The following GNAT3 variants were observed in gnomAD, a reference collection of about 807,000 sequenced individuals.
The protein encoded by GNAT3 is G protein subunit alpha transducin 3, also known as guanine nucleotide-binding protein G(t) subunit alpha-3.
Under a neutral mutation model 37.7 loss-of-function variants are expected in GNAT3, and 31 were observed. The ratio of observed to expected loss-of-function variants is 0.82; its 90% CI spans 0.62 to 1.11. The LOEUF is 1.11. Among genes scored for constraint, GNAT3 ranks in the 50% most tolerant of loss-of-function variants. The pLI is 0.00. For synonymous variants in GNAT3, 138 were observed against 139.8 expected (o/e 0.99, Z 0.09); for missense variants, 437 against 412.5 (o/e 1.06, Z -0.51).
chr7:80,465,832 G>A (rs1790120819), intron 5 of GNAT3, among the ~76,000 whole-genome samples: 1 of 152,104 alleles, frequency 6.6e-6, no homozygotes, highest in Non-Finnish European at 1.5e-5. Context: ...CATTTCAGAT[G>A]TAGTACATAT....
chr7:80,510,186 G>A (rs544289622), intron 1 of GNAT3, among the ~76,000 whole-genome samples: 116 of 151,820 alleles, frequency 7.6e-4, no homozygotes, highest in South Asian at 1.5e-3. Flanking sequence ...GTTCTTTTCC[G>A]TCACAACTGA....
chr7:80,509,945 T>C (rs1045622418), intron 1 of GNAT3, among the ~76,000 whole-genome samples: 1 of 152,168 alleles, frequency 6.6e-6, no homozygotes, highest in Non-Finnish European at 1.5e-5. Flanking sequence ...AATTAACAAA[T>C]GTATTACTTC....
intron 7 of GNAT3, among the ~76,000 whole-genome samples, chr7:80,461,491 G>A (rs1790049795): frequency 6.6e-6 from 1 of 152,050 alleles, no homozygotes; most frequent in Admixed American, 6.6e-5. Flanking sequence ...AAAGGCTACA[G>A]CCTGAGCGAC....
chr7:80,507,242 G>T (rs1236000780), intron 1 of GNAT3, among the ~76,000 whole-genome samples: 1 of 151,756 alleles, frequency 6.6e-6, no homozygotes, highest in Non-Finnish European at 1.5e-5. Flanking sequence ...GTGTTTCTTA[G>T]AGTTGATGAA....
intron 5 of GNAT3, among the ~76,000 whole-genome samples, chr7:80,467,099 A>T (rs1584168852): frequency 6.6e-6 from 1 of 152,276 alleles, no homozygotes; most frequent in East Asian, 1.9e-4. Flanking sequence ...CACAATTAGT[A>T]AAGGATAGAA....
chr7:80,508,771 C>G (rs554568335), intron 1 of GNAT3, among the ~76,000 whole-genome samples: 12 of 152,136 alleles, frequency 7.9e-5, no homozygotes, highest in African/African-American at 2.4e-4. Flanking sequence ...TCTTCAGATT[C>G]AGTGAAATCT....
chr7:80,511,950 GT>G lies in GNAT3; in HGVS notation c.-25del. Reference sequence around the variant, plus strand: ...ATCTTGTGGTGGTAGATACTTGTCAGTTTATATGTTCAGATTTTTCAAATGT... The same window carrying G: ...ATCTTGTGGTGGTAGATACTTGTCAGTTATATGTTCAGATTTTTCAAATGT... On this transcript the variant is annotated 5_prime_UTR_variant, in exon 1 of 8. The change abolishes the stop of an existing upstream ORF in the 5' untranslated region. Coordinates refer to ENST00000398291, the MANE Select transcript of GNAT3 (RefSeq NM_001102386.3). 6.6e-7 allele frequency: 1 copy of G among 1,513,668 alleles called. No homozygotes were observed. The highest frequency in any genetic ancestry group is 9.1e-7 in the Non-Finnish European group (1 of 1,094,504). The allele number at this position is 1,513,668 out of a possible 1,614,324, so 93.8% of individuals were successfully genotyped here.
intron 2 of GNAT3, 113 bp downstream of exon 2, chr7:80,494,492 C>A (rs1754579014): frequency 3.1e-6 from 2 of 645,584 alleles, no homozygotes; most frequent in Admixed American, 2.8e-5. Flanking sequence ...ACTCTATGAT[C>A]CATGATTTAG....
intron 1 of GNAT3, among the ~76,000 whole-genome samples, chr7:80,500,719 G>A (rs1272352970): frequency 6.6e-6 from 1 of 151,874 alleles, no homozygotes; most frequent in Non-Finnish European, 1.5e-5. Context: ...ACTTTAATTG[G>A]TGTTTTTTCA....
intron 3 of GNAT3, among the ~76,000 whole-genome samples, chr7:80,481,460 A>G (rs977875572): frequency 1.3e-5 from 2 of 152,232 alleles, no homozygotes; most frequent in African/African-American, 2.4e-5. Context: ...CAGAGATCTT[A>G]GGACTGATAA....
At chr7:80,495,666 A>C (rs1294103509) in intron 1 of GNAT3, among the ~76,000 whole-genome samples, 1 of 151,850 alleles carries the variant, frequency 6.6e-6, no homozygotes, top group South Asian at 2.1e-4. Context: ...GACGGGTTTT[A>C]CTACGTTGGC....
At chr7:80,503,494 ATAAGAT>A (rs1782840209) in intron 1 of GNAT3, among the ~76,000 whole-genome samples, 1 of 152,214 alleles carries the variant, frequency 6.6e-6, no homozygotes, top group African/African-American at 2.4e-5. Context: ...TATCTATTTC[ATAAGAT>A]TTTCTCATAG....
intron 1 of GNAT3, among the ~76,000 whole-genome samples, chr7:80,506,407 T>A (rs1790941457): frequency 6.6e-6 from 1 of 152,184 alleles, no homozygotes; most frequent in African/African-American, 2.4e-5. Flanking sequence ...TCTAAAACAA[T>A]CAGTCAAATA....
intron 5 of GNAT3, among the ~76,000 whole-genome samples, chr7:80,469,548 C>T (rs17153990): frequency 0.29 from 44,316 of 151,936 alleles, 7,359 homozygotes; most frequent in East Asian, 0.66. Context: ...GTAATTTCCA[C>T]TGAATTAGAT....
At chr7:80,480,405 G>A (rs1326033514) in intron 3 of GNAT3, among the ~76,000 whole-genome samples, 2 of 151,982 alleles carry the variant, frequency 1.3e-5, no homozygotes, top group Non-Finnish European at 2.9e-5. Context: ...AAATACAAGC[G>A]CATTTTGTGC....
chr7:80,497,594 GTA>G (rs1414326280), intron 1 of GNAT3, among the ~76,000 whole-genome samples: 3 of 130,954 alleles, frequency 2.3e-5, no homozygotes, highest in African/African-American at 6.4e-5. Flanking sequence ...ATACATATAC[GTA>G]TATACATATA....
chr7:80,473,855 CAG>C (rs1469469390), intron 5 of GNAT3, among the ~76,000 whole-genome samples: 3 of 151,946 alleles, frequency 2.0e-5, no homozygotes, highest in African/African-American at 7.3e-5. Context: ...ATTAAGGAAA[CAG>C]ATGTTATAGG....
chr7:80,463,012 T>G (rs1790076337), intron 5 of GNAT3, among the ~76,000 whole-genome samples: 1 of 152,198 alleles, frequency 6.6e-6, no homozygotes, highest in South Asian at 2.1e-4. Flanking sequence ...AGTTCTGATG[T>G]TATGATTCTT....
chr7:80,500,218 T>C (rs1329755571), intron 1 of GNAT3, among the ~76,000 whole-genome samples: 1 of 142,806 alleles, frequency 7.0e-6, no homozygotes, highest in African/African-American at 3.0e-5. Context: ...AAGACCATGA[T>C]TAGTTTGCCT....
Sources: gnomAD v4.1 joint callset for allele counts (sites outside exome capture counted in the v4.1 genomes callset) on GRCh38, gnomAD v4.1.1 for gene constraint, MANE v1.5 for transcripts, NCBI Gene and HGNC (gene_info 2026-07-23, HGNC 2026-07-21) for gene names.